C2CD5: variants seen among roughly 807,000 people sequenced by gnomAD.
C2CD5 encodes C2 domain-containing protein 5.
A neutral mutation model predicts 130.3 loss-of-function variants in C2CD5; 109 were observed. That is an observed-to-expected ratio of 0.84 (90% CI 0.72 to 0.98). The LOEUF is 0.98. Ranked by LOEUF, C2CD5 falls within the 50% of genes least tolerant of loss-of-function variation. The probability of loss-of-function intolerance (pLI) is 0.00; values close to 1 mark genes in which losing one functional copy is unlikely to be tolerated. For synonymous variants in C2CD5, 454 were observed against 429.2 expected (o/e 1.06, Z -0.71); for missense variants, 996 against 1,261.8 (o/e 0.79, Z 3.19).
chr12:22,470,607 T>A (rs1006473840), intron 21 of C2CD5, among the ~76,000 whole-genome samples: 1 of 152,106 alleles, frequency 6.6e-6, no homozygotes, highest in African/African-American at 2.4e-5. Context: ...GCATTCTCTA[T>A]GTAAACATCA....
At chr12:22,507,312 T>C (rs989099095) in intron 9 of C2CD5, among the ~76,000 whole-genome samples, 1 of 152,040 alleles carries the variant, frequency 6.6e-6, no homozygotes, top group African/African-American at 2.4e-5. Context: ...GGATAAGCAG[T>C]GTGGGTTAAG....
intron 10 of C2CD5, among the ~76,000 whole-genome samples, chr12:22,501,323 A>G (rs1315000675): frequency 6.6e-6 from 1 of 152,106 alleles, no homozygotes; most frequent in East Asian, 1.9e-4. Flanking sequence ...CTTACGTGGG[A>G]CAACGTCCTT....
chr12:22,540,745 G>A (rs1333954074), intron 2 of C2CD5, among the ~76,000 whole-genome samples: 1 of 152,158 alleles, frequency 6.6e-6, no homozygotes, highest in Non-Finnish European at 1.5e-5. Context: ...TGTAATCCCA[G>A]CTACTCTGGA....
rs141224487 is a variant in C2CD5 at position 22,509,512 on chromosome 12, G to A, written c.1039-2693C>T. The stretch of plus-strand genomic sequence containing the variant: ...TCACATGTCCCCAGTTCACCTAATC[G>A]GCACACCAATTCACTCTAAAACACA... On this transcript the variant is annotated intron_variant, in intron 9 of 26. Transcript: ENST00000446597. 2.0e-3 allele frequency among the ~76,000 whole-genome samples: 304 copies of A among 152,128 alleles called. 3 individuals are homozygous for A. Among genetic ancestry groups the A allele is most frequent in the African/African-American group, 7.1e-3 (293 of 41,506 alleles).
At chr12:22,535,447 CAA>C in intron 2 of C2CD5, 103 bp from the exon 3 acceptor site, 1 of 661,766 alleles carries the variant, frequency 1.5e-6, no homozygotes, top group Non-Finnish European at 2.7e-6. Flanking sequence ...ATAAAGGGGA[CAA>C]AAGACTATTA....
chr12:22,455,767 C>T (rs749176436), intron 25 of C2CD5, among the ~76,000 whole-genome samples: 1 of 152,164 alleles, frequency 6.6e-6, no homozygotes, highest in African/African-American at 2.4e-5. Context: ...TCACTGCAAC[C>T]TCCACCTCTC....
chr12:22,465,830 G>A (rs973213462), intron 22 of C2CD5, among the ~76,000 whole-genome samples: 9 of 151,972 alleles, frequency 5.9e-5, no homozygotes, highest in African/African-American at 2.2e-4. Context: ...AATAATTTAT[G>A]TTGATACCAT....
At chr12:22,505,433 T>C (rs1374960775) in intron 10 of C2CD5, among the ~76,000 whole-genome samples, 1 of 152,040 alleles carries the variant, frequency 6.6e-6, no homozygotes, top group Non-Finnish European at 1.5e-5. Context: ...ATTTTTGTAT[T>C]TTTAGTATTT....
Position 22,457,061 on chromosome 12 carries a change from T to C in C2CD5, c.2787A>G (p.Thr929=). The C allele has an allele frequency of 6.2e-7, 1 of 1,611,502 alleles. No homozygotes were observed. Among genetic ancestry groups the C allele is most frequent in the South Asian group, 1.1e-5 (1 of 90,890 alleles). The change falls in exon 25 of 27, where the codon ACA becomes ACG. Residue 929 remains threonine (T), a synonymous_variant. Coordinates refer to ENST00000446597, the MANE Select transcript of C2CD5 (RefSeq NM_001286176.2). ...ANSTVGVVKM[T]PLSFIPGAKI... ...TTGCTCCAGGAATAAAAGAAAGAGG[T>C]GTCATCTTAACAACCCCAACTGTGG... is the stretch of plus-strand genomic sequence containing the variant.
rs776948449 is a variant in C2CD5, at chr12:22,449,536, A to C, written c.*224T>G. 13 of 362,906 alleles carry C rather than the reference A, an allele frequency of 3.6e-5. No homozygotes were observed. The highest frequency in any genetic ancestry group is 5.5e-5 in the Non-Finnish European group (11 of 201,350). The allele number at this position is 362,906 out of a possible 1,614,324, so 22.5% of individuals were successfully genotyped here. A position where few individuals can be genotyped will look rare whatever the true frequency, so the allele number is the denominator to read the frequency against. ...TACGGTTCTTTTAAAAATTTATCTT[A>C]ACTTACTGAAGGGTCAAGACCCCAC... On this transcript the variant is annotated 3_prime_UTR_variant, in exon 27 of 27. Coordinates refer to ENST00000446597, the MANE Select transcript of C2CD5 (RefSeq NM_001286176.2).
rs1217871574 is a variant in C2CD5, at chr12:22,502,724, T to C, written c.1147+3987A>G. The C allele has an allele frequency of 7.6e-6, 11 of 1,455,010 alleles. No homozygotes were observed. In the Admixed American group the frequency reaches 2.2e-4, roughly 29 times the overall value. 90.1% of individuals were successfully genotyped at this position (1,455,010 alleles called of 1,614,324 possible). A position where few individuals can be genotyped will look rare whatever the true frequency, so the allele number is the denominator to read the frequency against. ...TTTTGTCAGCATATGTAGTACTGAA[T>C]GACCATTAAAATACCTGAATTGAAA... is the stretch of plus-strand genomic sequence containing the variant. On this transcript the variant is annotated intron_variant, in intron 10 of 26. Transcript: ENST00000446597.
chr12:22,515,386 T>C (rs1202721106), intron 8 of C2CD5, among the ~76,000 whole-genome samples: 1 of 152,170 alleles, frequency 6.6e-6, no homozygotes, highest in Non-Finnish European at 1.5e-5. Flanking sequence ...TTCATTAAAA[T>C]TTTTTAAATC....
intron 2 of C2CD5, among the ~76,000 whole-genome samples, chr12:22,537,601 C>T (rs1951946078): frequency 6.6e-6 from 1 of 152,066 alleles, no homozygotes; most frequent in Admixed American, 6.6e-5. Context: ...GGAGATTTCC[C>T]CCAGTAAAGT....
chr12:22,459,809 A>T (rs181090975), intron 22 of C2CD5, among the ~76,000 whole-genome samples: 1 of 152,364 alleles, frequency 6.6e-6, no homozygotes, highest in African/African-American at 2.4e-5. Context: ...TTATAGTCAC[A>T]AGAAAATATA....
At chr12:22,508,971 G>A (rs34463531) in intron 9 of C2CD5, among the ~76,000 whole-genome samples, 3,797 of 151,620 alleles carry the variant, frequency 0.025, 60 homozygotes, top group Non-Finnish European at 0.038. Context: ...CCGCTTCCCG[G>A]GTTCACGCCA....
At chr12:22,526,482 T>C (rs888400211) in intron 4 of C2CD5, among the ~76,000 whole-genome samples, 1 of 152,226 alleles carries the variant, frequency 6.6e-6, no homozygotes, top group Non-Finnish European at 1.5e-5. Flanking sequence ...CAGATCTTTA[T>C]GATCCCAGAT....
chr12:22,539,084 C>T lies in C2CD5; in HGVS notation c.91-3740G>A, dbSNP rs573585727. 4.6e-5 allele frequency among the ~76,000 whole-genome samples: 7 copies of T among 152,256 alleles called. No individual in the cohort carries two copies. In the South Asian group the frequency reaches 1.2e-3, roughly 27 times the overall value. ...AAACACCACAGTATTTTTCCTCCCC[C>T]CTTCATAGCCATACATCTTGAAACA... On this transcript the variant is annotated intron_variant, in intron 2 of 26. Transcript: ENST00000446597.
chr12:22,531,405 A>T (rs1284189644), intron 3 of C2CD5, among the ~76,000 whole-genome samples: 3 of 152,202 alleles, frequency 2.0e-5, no homozygotes, highest in Non-Finnish European at 4.4e-5. Flanking sequence ...TATAGTAATC[A>T]AAACAGTATG....
chr12:22,473,657 G>A (rs1249492863), intron 16 of C2CD5, among the ~76,000 whole-genome samples: 2 of 152,054 alleles, frequency 1.3e-5, no homozygotes, highest in Non-Finnish European at 2.9e-5. Context: ...TCAAACTTCA[G>A]GTAATGTTTG....
Sources: gnomAD v4.1 joint callset for allele counts (sites outside exome capture counted in the v4.1 genomes callset) on GRCh38, gnomAD v4.1.1 for gene constraint, MANE v1.5 for transcripts, NCBI Gene and HGNC (gene_info 2026-07-23, HGNC 2026-07-21) for gene names.